Variants in SAMD4A observed in about 807,000 individuals in gnomAD.
SAMD4A encodes the protein sterile alpha motif domain containing 4A.
Under a neutral mutation model 81.3 loss-of-function variants are expected in SAMD4A, and 33 were observed. The observed-to-expected ratio is 0.41, with a 90% CI of 0.31 to 0.54. SAMD4A has a LOEUF of 0.54. SAMD4A is among the 20% of genes least tolerant of loss of function. The pLI, the probability that SAMD4A is intolerant of heterozygous loss-of-function variation, is 0.37. For missense variants in SAMD4A, 854 were observed against 951.1 expected, an observed-to-expected ratio of 0.90 and a Z score of 1.34; for synonymous variants, 389 against 382.1, an observed-to-expected ratio of 1.02 and a Z score of -0.21.
intron 2 of SAMD4A, among the ~76,000 whole-genome samples, chr14:54,660,485 T>C (rs1316670303): frequency 1.3e-5 from 2 of 152,306 alleles, no homozygotes; most frequent in East Asian, 3.9e-4. Flanking sequence ...ACTTATCCCC[T>C]TGTGGGGAGC....
At chr14:54,711,617 C>T (rs2036991475) in intron 3 of SAMD4A, among the ~76,000 whole-genome samples, 1 of 152,012 alleles carries the variant, frequency 6.6e-6, no homozygotes, top group Non-Finnish European at 1.5e-5. Context: ...AGTTAAAAAA[C>T]AAAAATTACT....
intron 2 of SAMD4A, among the ~76,000 whole-genome samples, chr14:54,675,717 G>A (rs1196529449): frequency 6.6e-6 from 1 of 152,206 alleles, no homozygotes; most frequent in Non-Finnish European, 1.5e-5. Context: ...TACCAACACA[G>A]TATGTGCTCA....
intron 2 of SAMD4A, among the ~76,000 whole-genome samples, chr14:54,657,879 T>C (rs906446362): frequency 1.3e-5 from 2 of 152,368 alleles, no homozygotes; most frequent in Non-Finnish European, 2.9e-5. Flanking sequence ...AGATCCCATC[T>C]ATCCCAGGAT....
At chr14:54,589,556 C>T (rs1335224359) in intron 2 of SAMD4A, among the ~76,000 whole-genome samples, 2 of 152,056 alleles carry the variant, frequency 1.3e-5, no homozygotes, top group Non-Finnish European at 2.9e-5. Flanking sequence ...GTGGGAAGCA[C>T]GTATGTCTTT....
At chr14:54,756,751 T>A (rs1247487873) in intron 6 of SAMD4A, among the ~76,000 whole-genome samples, 1 of 152,346 alleles carries the variant, frequency 6.6e-6, no homozygotes, top group East Asian at 1.9e-4. Flanking sequence ...CTTTTCCAGA[T>A]GGTTTGCAGC....
intron 2 of SAMD4A, among the ~76,000 whole-genome samples, chr14:54,592,498 C>T (rs534936370): frequency 1.3e-5 from 2 of 152,136 alleles, no homozygotes; most frequent in Admixed American, 1.3e-4. Flanking sequence ...CTCGCTCTGT[C>T]GCCCAGGCTG....
chr14:54,702,569 G>A lies in SAMD4A; in HGVS notation c.704G>A (p.Ser235Asn), dbSNP rs1437027577. 6.2e-7 allele frequency: 1 copy of A among 1,613,802 alleles called. No homozygotes were observed. Among genetic ancestry groups the A allele is most frequent in the East Asian group, 2.2e-5 (1 of 44,756 alleles). ...VPTTINTIGTSTSTILSGQAH... is the reference protein window; with the variant it reads ...VPTTINTIGTNTSTILSGQAH... Reference sequence around the variant, plus strand: ...ACCACAATCAATACGATTGGAACCAGCACAAGTACAAGTAAGTTCCCCGGA... The same window carrying A: ...ACCACAATCAATACGATTGGAACCAACACAAGTACAAGTAAGTTCCCCGGA... Residue 235 changes from serine to asparagine, a missense_variant, in exon 3 of 13, where the codon AGC becomes AAC. Physicochemically the swap from Ser to Asn is conservative, Grantham distance 46 (BLOSUM62 1). Transcript: ENST00000554335.
At chr14:54,724,881 G>T (rs553985944) in intron 3 of SAMD4A, among the ~76,000 whole-genome samples, 1 of 152,138 alleles carries the variant, frequency 6.6e-6, no homozygotes, top group East Asian at 1.9e-4. Context: ...GAGAAATAAC[G>T]TGGGGACAAT....
intron 3 of SAMD4A, among the ~76,000 whole-genome samples, chr14:54,713,511 A>G (rs1043643606): frequency 3.9e-5 from 6 of 152,162 alleles, no homozygotes; most frequent in Non-Finnish European, 8.8e-5. Flanking sequence ...AAAACTCCCA[A>G]CATACTCCAG....
intron 2 of SAMD4A, chr14:54,685,922 A>G (rs117785049): frequency 1.1e-5 from 5 of 452,174 alleles, no homozygotes; most frequent in Admixed American, 2.4e-5. Flanking sequence ...TCTACCAGTC[A>G]GGAGAGGTTA....
chr14:54,788,783 G>C lies in SAMD4A; in HGVS notation c.2129-133G>C, dbSNP rs572614881. 4.5e-5 allele frequency: 47 copies of C among 1,049,824 alleles called. 2 individuals carry two copies. In the South Asian group the frequency reaches 5.8e-4, roughly 13 times the overall value. 65.0% of individuals were successfully genotyped at this position (1,049,824 alleles called of 1,614,324 possible). ...CATGTGGGTGGGTATGTAAATGCGT[G>C]AACACATGAACGTAGGTGCCCTTCT... On this transcript the variant is annotated intron_variant, in intron 12 of 12. Coordinates refer to ENST00000554335, the MANE Select transcript of SAMD4A (RefSeq NM_015589.6).
chr14:54,782,801 G>A (rs1224532289), intron 11 of SAMD4A, among the ~76,000 whole-genome samples: 1 of 152,210 alleles, frequency 6.6e-6, no homozygotes, highest in East Asian at 1.9e-4. Context: ...GCAAATCAAG[G>A]AAAACAAAAC....
At chr14:54,571,153 G>C (rs1166071322) in intron 2 of SAMD4A, among the ~76,000 whole-genome samples, 2 of 152,186 alleles carry the variant, frequency 1.3e-5, no homozygotes, top group African/African-American at 4.8e-5. Flanking sequence ...ATGTAATTTG[G>C]TGCTTTCATT....
intron 10 of SAMD4A, 121 bp downstream of exon 10, chr14:54,775,256 G>T: frequency 9.6e-7 from 1 of 1,043,142 alleles, no homozygotes; most frequent in South Asian, 1.4e-5. Context: ...GGGGGCAGTT[G>T]CCACCATTCC....
intron 2 of SAMD4A, among the ~76,000 whole-genome samples, chr14:54,603,014 T>A (rs988985427): frequency 6.6e-6 from 1 of 152,206 alleles, no homozygotes; most frequent in Non-Finnish European, 1.5e-5. Context: ...TGTTTGCACA[T>A]TAGAGTTTGA....
chr14:54,610,936 G>A (rs929648804), intron 2 of SAMD4A, among the ~76,000 whole-genome samples: 6 of 152,126 alleles, frequency 3.9e-5, no homozygotes, highest in Non-Finnish European at 7.4e-5. Flanking sequence ...ACCCATGATA[G>A]GCTTACATTT....
intron 2 of SAMD4A, among the ~76,000 whole-genome samples, chr14:54,686,358 G>A (rs1359665327): frequency 6.6e-6 from 1 of 152,198 alleles, no homozygotes; most frequent in Admixed American, 6.5e-5. Context: ...TCCAGAGCAA[G>A]TTTAATTGTG....
At chr14:54,695,431 C>T (rs946045492) in intron 2 of SAMD4A, among the ~76,000 whole-genome samples, 1 of 152,238 alleles carries the variant, frequency 6.6e-6, no homozygotes, top group Non-Finnish European at 1.5e-5. Flanking sequence ...GATGCCTGAG[C>T]ATCTTCATAA....
intron 2 of SAMD4A, among the ~76,000 whole-genome samples, chr14:54,660,691 AAG>A (rs1210791623): frequency 6.6e-6 from 1 of 152,228 alleles, no homozygotes; most frequent in Non-Finnish European, 1.5e-5. Flanking sequence ...TTTAAAAAAA[AAG>A]AGAGAGACTG....
Sources: allele counts gnomAD v4.1 joint callset (sites outside exome capture counted in the v4.1 genomes callset), GRCh38; gene constraint gnomAD v4.1.1; transcripts MANE v1.5; gene names NCBI Gene and HGNC (gene_info 2026-07-23, HGNC 2026-07-21).